The following MYO1E variants were observed in gnomAD, a reference collection of about 807,000 sequenced individuals.
MYO1E encodes the protein unconventional myosin-Ie.
MYO1E carries 68 observed loss-of-function variants against 151.1 expected under a neutral mutation model. The observed-to-expected ratio is 0.45, with a 90% CI of 0.37 to 0.55. The LOEUF (loss-of-function observed/expected upper bound fraction) is 0.55. MYO1E is among the 20% of genes least tolerant of loss of function. The probability of loss-of-function intolerance (pLI) is 0.00; values close to 1 mark genes in which losing one functional copy is unlikely to be tolerated. For synonymous variants in MYO1E, 601 were observed against 501.7 expected, an observed-to-expected ratio of 1.20 and a Z score of -2.64; for missense variants, 1,363 against 1,389.3, an observed-to-expected ratio of 0.98 and a Z score of 0.30.
intron 4 of MYO1E, among the ~76,000 whole-genome samples, chr15:59,252,087 A>T (rs2140367969): frequency 6.6e-6 from 1 of 152,354 alleles, no homozygotes; most frequent in Admixed American, 6.5e-5. Flanking sequence ...ATGGGATACA[A>T]AAATTAAAAT....
intron 2 of MYO1E, among the ~76,000 whole-genome samples, chr15:59,262,218 AT>A: frequency 6.6e-6 from 1 of 151,544 alleles, no homozygotes; most frequent in East Asian, 1.9e-4. Flanking sequence ...CAAAAAAAAA[AT>A]AAAAAAAAAT....
chr15:59,187,048 G>A (rs1596357041), intron 18 of MYO1E, among the ~76,000 whole-genome samples: 1 of 151,912 alleles, frequency 6.6e-6, no homozygotes. Context: ...GTCTTAAGTG[G>A]GTTAAACATT....
At chr15:59,331,642 G>T (rs1162840027) in intron 1 of MYO1E, among the ~76,000 whole-genome samples, 5 of 152,124 alleles carry the variant, frequency 3.3e-5, no homozygotes, top group African/African-American at 4.8e-5. Context: ...TACTAAGATG[G>T]AAAGAAATGA....
chr15:59,223,987 G>A (rs1408646001), intron 8 of MYO1E, among the ~76,000 whole-genome samples: 4 of 152,256 alleles, frequency 2.6e-5, no homozygotes, highest in East Asian at 1.9e-4. Flanking sequence ...CTGAACCCAC[G>A]CTGCTCATTC....
chr15:59,190,227 T>C (rs2079724852), intron 17 of MYO1E, among the ~76,000 whole-genome samples: 2 of 152,116 alleles, frequency 1.3e-5, no homozygotes. Flanking sequence ...AAAAGTAAGG[T>C]CTCTCTCTTT....
intron 1 of MYO1E, among the ~76,000 whole-genome samples, chr15:59,319,494 T>C (rs989762334): frequency 2.8e-5 from 4 of 143,766 alleles, no homozygotes; most frequent in Non-Finnish European, 6.0e-5. Flanking sequence ...TAGCCAGAGC[T>C]ATCAGGCAAG....
intron 22 of MYO1E, among the ~76,000 whole-genome samples, chr15:59,170,119 C>A (rs969561260): frequency 1.3e-5 from 2 of 152,158 alleles, no homozygotes; most frequent in Non-Finnish European, 2.9e-5. Flanking sequence ...TGAGATCACG[C>A]CACTGCACTC....
chr15:59,178,568 A>G (rs745431887), intron 18 of MYO1E, 31 bp from the exon 19 acceptor site: 4 of 1,612,160 alleles, frequency 2.5e-6, no homozygotes, highest in Non-Finnish European at 3.4e-6. Context: ...AGAGAATCAC[A>G]CTTGGGCGGG....
At chr15:59,161,696 T>G (rs1366978924) in intron 23 of MYO1E, among the ~76,000 whole-genome samples, 2 of 152,158 alleles carry the variant, frequency 1.3e-5, no homozygotes, top group African/African-American at 4.8e-5. Flanking sequence ...AGTCCTGTAC[T>G]ATTCTTGCAC....
intron 1 of MYO1E, among the ~76,000 whole-genome samples, chr15:59,367,296 T>C (rs1178716589): frequency 6.6e-6 from 1 of 152,160 alleles, no homozygotes; most frequent in Non-Finnish European, 1.5e-5. Context: ...TTCTAAGTTA[T>C]CAGAATGCAC....
chr15:59,257,032 A>G (rs1205491453), intron 3 of MYO1E, among the ~76,000 whole-genome samples: 1 of 152,164 alleles, frequency 6.6e-6, no homozygotes, highest in African/African-American at 2.4e-5. Flanking sequence ...TGGGTTTGTG[A>G]TTTCATCTTA....
chr15:59,288,397 G>A (rs148961564), intron 1 of MYO1E, among the ~76,000 whole-genome samples: 1 of 152,058 alleles, frequency 6.6e-6, no homozygotes, highest in Non-Finnish European at 1.5e-5. Context: ...GGATGGTCTC[G>A]AACTCCTGGG....
intron 26 of MYO1E, among the ~76,000 whole-genome samples, chr15:59,148,481 T>G (rs922820214): frequency 6.6e-6 from 1 of 152,178 alleles, no homozygotes; most frequent in African/African-American, 2.4e-5. Context: ...AGAAGGAAAA[T>G]AATGGCATTT....
chr15:59,325,696 T>G (rs565851499), intron 1 of MYO1E, among the ~76,000 whole-genome samples: 9 of 152,364 alleles, frequency 5.9e-5, no homozygotes, highest in Middle Eastern at 3.4e-3. Flanking sequence ...TAGTTAAGAT[T>G]AAACCATTAA....
chr15:59,266,367 A>G (rs577531418), intron 2 of MYO1E, among the ~76,000 whole-genome samples: 3 of 152,290 alleles, frequency 2.0e-5, no homozygotes, highest in African/African-American at 4.8e-5. Context: ...AAACAGAAGG[A>G]AAAAAATGCC....
intron 2 of MYO1E, among the ~76,000 whole-genome samples, chr15:59,268,447 CCTCT>C (rs1833532868): frequency 6.6e-6 from 1 of 152,054 alleles, no homozygotes; most frequent in Non-Finnish European, 1.5e-5. Flanking sequence ...CATAAACAGC[CCTCT>C]CTGTGTGAGT....
At chr15:59,362,553 A>C (rs1401554651) in intron 1 of MYO1E, among the ~76,000 whole-genome samples, 4 of 152,254 alleles carry the variant, frequency 2.6e-5, no homozygotes, top group Non-Finnish European at 5.9e-5. Flanking sequence ...ATCATTTTGC[A>C]TTGATGCATA....
intron 26 of MYO1E, among the ~76,000 whole-genome samples, chr15:59,143,326 G>C (rs964428314): frequency 2.6e-5 from 4 of 152,210 alleles, no homozygotes; most frequent in Non-Finnish European, 5.9e-5. Flanking sequence ...AGTGGGGACT[G>C]TCTGATGGCA....
intron 1 of MYO1E, among the ~76,000 whole-genome samples, chr15:59,281,911 C>A (rs146691501): frequency 6.6e-6 from 1 of 151,108 alleles, no homozygotes; most frequent in Non-Finnish European, 1.5e-5. Context: ...CTGCAGTAAG[C>A]TATGATTGCA....
Sources: gnomAD v4.1 joint callset for allele counts (sites outside exome capture counted in the v4.1 genomes callset) on GRCh38, gnomAD v4.1.1 for gene constraint, MANE v1.5 for transcripts, NCBI Gene and HGNC (gene_info 2026-07-23, HGNC 2026-07-21) for gene names.